The following SNX29 variants were observed in gnomAD, a reference collection of about 807,000 sequenced individuals.
The protein encoded by SNX29 is sorting nexin 29, also known as sorting nexin-29.
Under a neutral mutation model 102.1 loss-of-function variants are expected in SNX29, and 78 were observed. That is an observed-to-expected ratio of 0.76 (90% confidence interval 0.64 to 0.92). The LOEUF is 0.92. Among genes scored for constraint, SNX29 ranks in the 40% least tolerant of loss-of-function variants. SNX29 has a pLI of 0.00. For missense variants in SNX29, 1,280 were observed against 1,061.7 expected, an observed-to-expected ratio of 1.21 and a Z score of -2.86; for synonymous variants, 580 against 414.5, an observed-to-expected ratio of 1.40 and a Z score of -4.85.
Position 12,048,928 on chromosome 16 carries a change from C to T in SNX29, c.748+308C>T, listed in dbSNP as rs192535270. 4.6e-5 allele frequency among the ~76,000 whole-genome samples: 7 copies of T among 152,352 alleles called. No individual in the cohort carries two copies. The East Asian group carries it at 1.2e-3, about 25-fold the overall frequency. On this transcript the variant is annotated intron_variant, in intron 7 of 20. Transcript: ENST00000566228. ...TCATTAATTCCTTTATTTGTTCCTTCATCGTATTCTGTGTGTTAGGCGGTG... is the reference window on the plus strand; with the variant it reads ...TCATTAATTCCTTTATTTGTTCCTTTATCGTATTCTGTGTGTTAGGCGGTG...
At position 12,504,233 on chromosome 16, in the gene SNX29, T is replaced by C. The variant is rs1019264744; in HGVS notation, c.2179-20469T>C. 2.6e-5 allele frequency among the ~76,000 whole-genome samples: 4 copies of C among 152,224 alleles called. 1 individual carries two copies. Among genetic ancestry groups the C allele is most frequent in the Admixed American group, 2.6e-4 (4 of 15,286 alleles). Reference sequence around the variant, plus strand: ...TGTTATAGCACATAACGGAACTTCATTCCTTTTTTAAAAGATATAATTCAT... The same window carrying C: ...TGTTATAGCACATAACGGAACTTCACTCCTTTTTTAAAAGATATAATTCAT... On this transcript the variant is annotated intron_variant, in intron 19 of 20. Transcript: ENST00000566228.
At chr16:12,551,372 G>A (rs369500953) in intron 20 of SNX29, among the ~76,000 whole-genome samples, 14 of 152,312 alleles carry the variant, frequency 9.2e-5, no homozygotes, top group African/African-American at 2.2e-4. Flanking sequence ...TCCATTTGCA[G>A]AACTTCCCCA....
At chr16:12,252,796 C>A (rs2142398058) in intron 14 of SNX29, among the ~76,000 whole-genome samples, 1 of 152,326 alleles carries the variant, frequency 6.6e-6, no homozygotes, top group South Asian at 2.1e-4. Flanking sequence ...CCATGGGGAG[C>A]CTTTGGTGGG....
chr16:11,985,873 C>A (rs910923311), intron 1 of SNX29, among the ~76,000 whole-genome samples: 3 of 150,230 alleles, frequency 2.0e-5, no homozygotes, highest in African/African-American at 7.4e-5. Context: ...TGCTCTGTCA[C>A]CCAGGCTGGA....
At chr16:12,482,937 G>A (rs2088016508) in intron 19 of SNX29, among the ~76,000 whole-genome samples, 1 of 152,096 alleles carries the variant, frequency 6.6e-6, no homozygotes, top group African/African-American at 2.4e-5. Context: ...ATGCATGTGT[G>A]TAATTATATA....
At chr16:12,474,790 C>A (rs1197364603) in intron 18 of SNX29, among the ~76,000 whole-genome samples, 1 of 152,310 alleles carries the variant, frequency 6.6e-6, no homozygotes, top group Admixed American at 6.5e-5. Context: ...TCCGTGGTTT[C>A]CCTTGTGATG....
intron 15 of SNX29, among the ~76,000 whole-genome samples, chr16:12,290,779 T>C (rs931625659): frequency 6.6e-6 from 1 of 152,204 alleles, no homozygotes; most frequent in Non-Finnish European, 1.5e-5. Context: ...ATGAGTGTTA[T>C]GCTAGACTGA....
At chr16:12,460,478 T>G (rs868285012) in intron 18 of SNX29, among the ~76,000 whole-genome samples, 2 of 152,074 alleles carry the variant, frequency 1.3e-5, no homozygotes, top group Admixed American at 6.6e-5. Flanking sequence ...TGTTACCTCC[T>G]CCTCCCCCTG....
chr16:12,143,801 TG>T (rs753091711), intron 13 of SNX29, among the ~76,000 whole-genome samples: 1 of 152,186 alleles, frequency 6.6e-6, no homozygotes, highest in Non-Finnish European at 1.5e-5. Flanking sequence ...TTCTCTGGGT[TG>T]AAGAGCGAAA....
chr16:12,102,013 G>A (rs751611462), intron 11 of SNX29, among the ~76,000 whole-genome samples: 2 of 152,098 alleles, frequency 1.3e-5, no homozygotes, highest in East Asian at 1.9e-4. Flanking sequence ...GAGAACATGC[G>A]GTGTTTGGTC....
chr16:12,065,097 G>A (rs1389404742), intron 9 of SNX29, among the ~76,000 whole-genome samples: 7 of 152,194 alleles, frequency 4.6e-5, no homozygotes, highest in African/African-American at 1.7e-4. Flanking sequence ...ACCCTGAAAG[G>A]AGTTCTCTTG....
intron 14 of SNX29, among the ~76,000 whole-genome samples, chr16:12,215,906 G>A (rs1279645809): frequency 6.6e-6 from 1 of 152,166 alleles, no homozygotes; most frequent in Non-Finnish European, 1.5e-5. Context: ...GCAGAGTGCA[G>A]GGGTCCTCCT....
At chr16:12,246,098 A>G (rs2078252791) in intron 14 of SNX29, among the ~76,000 whole-genome samples, 1 of 152,242 alleles carries the variant, frequency 6.6e-6, no homozygotes, top group Admixed American at 6.5e-5. Context: ...TACTTCCCAC[A>G]TAAAGCACAG....
chr16:12,376,078 A>G (rs1046399560), intron 16 of SNX29: 3 of 150,120 alleles, frequency 2.0e-5, no homozygotes, highest in Non-Finnish European at 2.9e-5. Context: ...TTTCTACTAT[A>G]TTCTACTCTA....
chr16:12,130,709 C>CT (rs1161353324), intron 13 of SNX29, among the ~76,000 whole-genome samples: 1 of 151,910 alleles, frequency 6.6e-6, no homozygotes, highest in African/African-American at 2.4e-5. Flanking sequence ...TGTGCATATA[C>CT]TTTTTTTCCT....
At chr16:12,416,704 G>C (rs1412817201) in intron 18 of SNX29, among the ~76,000 whole-genome samples, 1 of 152,156 alleles carries the variant, frequency 6.6e-6, no homozygotes, top group Non-Finnish European at 1.5e-5. Flanking sequence ...AGGTGCAGGG[G>C]GAGCAGGCAT....
chr16:12,344,451 T>C (rs1351448693), intron 15 of SNX29, among the ~76,000 whole-genome samples: 1 of 152,062 alleles, frequency 6.6e-6, no homozygotes, highest in Non-Finnish European at 1.5e-5. Context: ...AGGGCAAGAG[T>C]CTCTCTTGTT....
chr16:12,419,794 G>C (rs1026931293), intron 18 of SNX29, among the ~76,000 whole-genome samples: 1 of 152,226 alleles, frequency 6.6e-6, no homozygotes, highest in Non-Finnish European at 1.5e-5. Context: ...GCTGACCCCA[G>C]TGCCTGGGTA....
At position 12,137,330 on chromosome 16, in the gene SNX29, C is replaced by G. The variant is rs1000334966; in HGVS notation, c.1595+7572C>G. 5.3e-5 allele frequency among the ~76,000 whole-genome samples: 8 copies of G among 152,190 alleles called. 1 individual carries two copies. The highest frequency in any genetic ancestry group is 4.1e-4 in the South Asian group (2 of 4,826). The stretch of plus-strand genomic sequence containing the variant: ...GAGGCCAGAATCTCTTGGGCCCTTT[C>G]CTTGTCCAAGCCTCCCCTGCAGTGA... On this transcript the variant is annotated intron_variant, in intron 13 of 20. Transcript: ENST00000566228.
Sources: allele counts gnomAD v4.1 joint callset (sites outside exome capture counted in the v4.1 genomes callset), GRCh38; gene constraint gnomAD v4.1.1; transcripts MANE v1.5; gene names NCBI Gene and HGNC (gene_info 2026-07-23, HGNC 2026-07-21).